BPHL: variants seen among roughly 807,000 people sequenced by gnomAD.
BPHL encodes serine hydrolase BPHL.
Under a neutral mutation model 31.2 loss-of-function variants are expected in BPHL, and 27 were observed. The observed-to-expected ratio is 0.87, with a 90% CI of 0.64 to 1.19. The LOEUF (loss-of-function observed/expected upper bound fraction) is 1.19. Among genes scored for constraint, BPHL ranks in the 50% most tolerant of loss-of-function variants. The probability of loss-of-function intolerance (pLI) is 0.00; values close to 1 mark genes in which losing one functional copy is unlikely to be tolerated. For synonymous variants in BPHL, 150 were observed against 146.8 expected (o/e 1.02, Z -0.16); for missense variants, 356 against 375.7 (o/e 0.95, Z 0.43).
At chr6:3,119,310 T>C in intron 1 of BPHL, 1 of 1,548,266 alleles carries the variant, frequency 6.5e-7, no homozygotes, top group Non-Finnish European at 8.7e-7. Flanking sequence ...TGAGTACCGC[T>C]AAGGCTTTAA....
intron 4 of BPHL, among the ~76,000 whole-genome samples, chr6:3,134,997 G>A (rs554513563): frequency 1.6e-4 from 24 of 152,170 alleles, no homozygotes; most frequent in African/African-American, 5.3e-4. Flanking sequence ...TCAACCTTCC[G>A]AAGTGCTGGG....
rs775972091 is a variant in BPHL at position 3,140,335 on chromosome 6, C to A, written c.665-51C>A. ...CTCGCCGAGTTTCGCCTCCTCTGAC[C>A]GCGTAGAATGGTTGCACTAAAGCAG... On this transcript the variant is annotated intron_variant, in intron 5 of 6. Transcript: ENST00000380379. This position sits in a 1 kb window ranked among gnomAD's most constrained non-coding sequence, Gnocchi z 5.2. 6 of 1,601,668 alleles carry A rather than the reference C, an allele frequency of 3.7e-6. No homozygotes were observed. Among genetic ancestry groups the A allele is most frequent in the Non-Finnish European group, 4.3e-6 (5 of 1,172,134 alleles).
chr6:3,138,085 C>T (rs1762062283), intron 5 of BPHL: 4 of 957,100 alleles, frequency 4.2e-6, no homozygotes, highest in Non-Finnish European at 5.8e-6. Flanking sequence ...ATGGCATGAT[C>T]TCAGCTCACT....
intron 1 of BPHL, among the ~76,000 whole-genome samples, chr6:3,120,172 T>C (rs989038938): frequency 6.6e-6 from 1 of 152,098 alleles, no homozygotes; most frequent in Non-Finnish European, 1.5e-5. Flanking sequence ...GTAGCTGGGA[T>C]TACAGGTACC....
chr6:3,148,496 G>T (rs1011853923), intron 6 of BPHL, among the ~76,000 whole-genome samples: 1 of 152,246 alleles, frequency 6.6e-6, no homozygotes, highest in Non-Finnish European at 1.5e-5. Flanking sequence ...TTCTGGTGGG[G>T]AGGTAGACGC....
chr6:3,131,367 G>C (rs757579370), intron 4 of BPHL, among the ~76,000 whole-genome samples: 28 of 152,088 alleles, frequency 1.8e-4, no homozygotes, highest in Admixed American at 1.3e-3. Flanking sequence ...CAGAGTCCCA[G>C]ATGCATCCCT....
At chr6:3,118,551 A>T, upstream of BPHL, 1 of 408,404 alleles carries the variant, frequency 2.4e-6, no homozygotes, top group Non-Finnish European at 4.2e-6. Flanking sequence ...CGAAACCACG[A>T]GCCGAGTTTC....
chr6:3,140,326 T>G lies in BPHL; in HGVS notation c.665-60T>G, dbSNP rs537487684. On this transcript the variant is annotated intron_variant, in intron 5 of 6. Coordinates refer to ENST00000380379, the MANE Select transcript of BPHL (RefSeq NM_004332.4). The surrounding 1 kb of genome is among the most constrained non-coding windows in gnomAD (Gnocchi z 5.2). ...GGGGCAGGGCTCGCCGAGTTTCGCC[T>G]CCTCTGACCGCGTAGAATGGTTGCA... 3.8e-6 allele frequency: 6 copies of G among 1,590,056 alleles called. No homozygotes were observed. The Admixed American group carries it at 5.2e-5, about 14-fold the overall frequency.
intron 6 of BPHL, among the ~76,000 whole-genome samples, chr6:3,141,771 C>T (rs1385916059): frequency 6.6e-6 from 1 of 152,044 alleles, no homozygotes; most frequent in Admixed American, 6.5e-5. Context: ...GCCAGGAGTT[C>T]AAGACCAGCC....
chr6:3,151,491 C>A (rs1762522618), intron 6 of BPHL, among the ~76,000 whole-genome samples: 1 of 152,108 alleles, frequency 6.6e-6, no homozygotes, highest in Admixed American at 6.5e-5. Flanking sequence ...TTGGAAGAGG[C>A]CCAGCATCTT....
At chr6:3,118,935 C>A (rs1761472118) in intron 1 of BPHL, 88 bp downstream of exon 1, 4 of 1,101,052 alleles carry the variant, frequency 3.6e-6, no homozygotes, top group Non-Finnish European at 4.6e-6. Flanking sequence ...GCAGGAGTTC[C>A]CGGCGCGCGG....
chr6:3,127,067 C>T (rs548523614), intron 2 of BPHL, 175 bp from the exon 3 acceptor site: 55 of 427,224 alleles, frequency 1.3e-4, no homozygotes, highest in African/African-American at 9.6e-4. Context: ...GGTCAGCCTG[C>T]CTCCTTTCTT....
intron 6 of BPHL, among the ~76,000 whole-genome samples, chr6:3,146,184 GGAGTGCT>G (rs1762348711): frequency 1.7e-5 from 1 of 60,022 alleles, no homozygotes; most frequent in Admixed American, 1.3e-4. Flanking sequence ...GGTTCGGGGT[GGAGTGCT>G]GGTTCGGGGT....
intron 1 of BPHL, among the ~76,000 whole-genome samples, chr6:3,123,224 A>G (rs1761622344): frequency 6.6e-6 from 1 of 152,238 alleles, no homozygotes; most frequent in African/African-American, 2.4e-5. Flanking sequence ...GAAATAACCC[A>G]AGGAGACTGA....
chr6:3,131,487 T>C (rs1378943967), intron 4 of BPHL, among the ~76,000 whole-genome samples: 1 of 152,212 alleles, frequency 6.6e-6, no homozygotes, highest in African/African-American at 2.4e-5. Flanking sequence ...CTCACCTCTC[T>C]TCTTTCCCCA....
chr6:3,135,377 A>G (rs1456132993), intron 4 of BPHL, among the ~76,000 whole-genome samples: 2 of 152,312 alleles, frequency 1.3e-5, no homozygotes, highest in African/African-American at 4.8e-5. Flanking sequence ...CTGTCCGTCT[A>G]CGTGGTTCCT....
chr6:3,123,917 A>G, intron 2 of BPHL, 157 bp downstream of exon 2: 1 of 592,620 alleles, frequency 1.7e-6, no homozygotes, highest in Non-Finnish European at 2.8e-6. Flanking sequence ...AAAGTAGGTA[A>G]CTTTCTACTG....
At chr6:3,132,373 G>A (rs1409465343) in intron 4 of BPHL, among the ~76,000 whole-genome samples, 2 of 152,100 alleles carry the variant, frequency 1.3e-5, no homozygotes, top group Admixed American at 6.6e-5. Context: ...TGGCTGACAC[G>A]TGCCTGCTCC....
chr6:3,121,291 C>CTTTTTTTT (rs67332286), intron 1 of BPHL, among the ~76,000 whole-genome samples: 1 of 80,392 alleles, frequency 1.2e-5, no homozygotes, highest in Non-Finnish European at 2.4e-5. Flanking sequence ...ATAGCAGTTT[C>CTTTTTTTT]TTTTTTTTTT....
Sources: gnomAD v4.1 joint callset for allele counts (sites outside exome capture counted in the v4.1 genomes callset) on GRCh38, gnomAD v4.1.1 for gene constraint, Gnocchi (gnomAD v3.1) non-coding constraint, MANE v1.5 for transcripts, NCBI Gene and HGNC (gene_info 2026-07-23, HGNC 2026-07-21) for gene names.